Variants in CNTLN observed in about 807,000 individuals in gnomAD.
The protein encoded by CNTLN is centlein, also known as centlein, centrosomal protein.
Under a neutral mutation model 180.0 loss-of-function variants are expected in CNTLN, and 212 were observed. The observed-to-expected ratio is 1.18, with a 90% CI of 1.05 to 1.32. CNTLN has a LOEUF of 1.32. CNTLN is among the 40% of genes most tolerant of loss of function. The probability of loss-of-function intolerance (pLI) is 0.00; values close to 1 mark genes in which losing one functional copy is unlikely to be tolerated. For missense variants in CNTLN, 2,095 were observed against 1,610.9 expected (o/e 1.30, Z -5.14); for synonymous variants, 722 against 563.1 (o/e 1.28, Z -3.99).
chr9:17,158,220 A>C (rs181658368), intron 2 of CNTLN, among the ~76,000 whole-genome samples: 101 of 152,218 alleles, frequency 6.6e-4, no homozygotes, highest in African/African-American at 2.4e-3. Context: ...TCATATGTTA[A>C]CTCAACCTTG....
intron 5 of CNTLN, among the ~76,000 whole-genome samples, chr9:17,257,325 C>T (rs1055628722): frequency 6.6e-6 from 1 of 152,138 alleles, no homozygotes; most frequent in Non-Finnish European, 1.5e-5. Flanking sequence ...TTTAAGGCTG[C>T]ATAGTATTCC....
intron 5 of CNTLN, among the ~76,000 whole-genome samples, chr9:17,239,582 T>C (rs1322862553): frequency 6.6e-6 from 1 of 152,214 alleles, no homozygotes; most frequent in Middle Eastern, 3.2e-3. Flanking sequence ...TGTTTTGTTC[T>C]AGGAGTTTTA....
At chr9:17,394,405 A>G (rs1826332526) in intron 14 of CNTLN, 129 bp from the exon 15 acceptor site, 1 of 768,686 alleles carries the variant, frequency 1.3e-6, no homozygotes, top group African/African-American at 1.8e-5. Context: ...AATTATCTAG[A>G]AATTAAGTAC....
intron 9 of CNTLN, among the ~76,000 whole-genome samples, chr9:17,331,402 A>G (rs1820634876): frequency 6.6e-6 from 1 of 151,776 alleles, no homozygotes. Context: ...GTTACGCTGT[A>G]AAAGATTCTA....
chr9:17,409,445 A>T lies in CNTLN; in HGVS notation c.2768A>T (p.Tyr923Phe). Residue 923 changes from tyrosine to phenylalanine, a missense_variant, in exon 16 of 26, where the codon TAT becomes TTT. Physicochemically the swap from Tyr to Phe is conservative, Grantham distance 22. Transcript: ENST00000380647. The part of the protein sequence containing the change: ...QTQGKEIVQT[Y>F]LNIDGKTPKD... ...CAAGGAAAAGAAATAGTACAGACAT[A>T]TTTAAATATAGATGGCAAGACCCCA... 1 of 1,603,326 alleles carries T rather than the reference A, an allele frequency of 6.2e-7. No individual in the cohort carries two copies. Among genetic ancestry groups the T allele is most frequent in the Non-Finnish European group, 8.5e-7 (1 of 1,177,208 alleles).
intron 2 of CNTLN, among the ~76,000 whole-genome samples, chr9:17,165,042 G>T (rs34586990): frequency 6.6e-6 from 1 of 151,310 alleles, no homozygotes; most frequent in African/African-American, 2.4e-5. Context: ...GTTTCACCAT[G>T]TTGGCCAGGC....
At chr9:17,412,835 G>A (rs1381744564) in intron 16 of CNTLN, among the ~76,000 whole-genome samples, 1 of 152,118 alleles carries the variant, frequency 6.6e-6, no homozygotes, top group Non-Finnish European at 1.5e-5. Flanking sequence ...CCATCAAAAT[G>A]CTTCAACAAG....
At chr9:17,519,938 C>G in the CNTLN span, among the ~76,000 whole-genome samples, 3 of 152,174 alleles carry the variant, frequency 2.0e-5, no homozygotes, top group Non-Finnish European at 1.5e-5. Flanking sequence ...TGCTAAATAA[C>G]CCTCAGGAAT....
Position 17,415,970 on chromosome 9 carries a change from CAGAGA to C in CNTLN, c.2897_2901del (p.Arg966LysfsTer12), listed in dbSNP as rs779516274. On this transcript the variant is annotated frameshift_variant, in exon 18 of 26. Coordinates refer to ENST00000380647, the MANE Select transcript of CNTLN (RefSeq NM_017738.4). LOFTEE classifies it high-confidence loss of function. ...AACAATATTGTTTTTATGTAGTCAA[CAGAGA>C]AAAGTACAAAAATATAACTGCCCAG... 6.9e-6 allele frequency: 11 copies of C among 1,605,266 alleles called. No individual in the cohort carries two copies. Among genetic ancestry groups the C allele is most frequent in the South Asian group, 2.3e-5 (2 of 88,842 alleles).
At chr9:17,331,209 A>G (rs879761133) in intron 9 of CNTLN, among the ~76,000 whole-genome samples, 1 of 151,914 alleles carries the variant, frequency 6.6e-6, no homozygotes, top group Admixed American at 6.6e-5. Context: ...TCAATCAGAT[A>G]TGATGTTTAA....
At chr9:17,435,147 G>C (rs1289710017) in intron 18 of CNTLN, among the ~76,000 whole-genome samples, 4 of 152,072 alleles carry the variant, frequency 2.6e-5, no homozygotes, top group Non-Finnish European at 5.9e-5. Context: ...ATTACTCTTG[G>C]CTTATTTCTG....
chr9:17,212,676 A>G (rs565935626), intron 2 of CNTLN, among the ~76,000 whole-genome samples: 1 of 152,150 alleles, frequency 6.6e-6, no homozygotes, highest in African/African-American at 2.4e-5. Context: ...CTGTGAATCT[A>G]TCTGCTCCTG....
intron 7 of CNTLN, among the ~76,000 whole-genome samples, chr9:17,304,752 TAAC>T (rs977692063): frequency 6.6e-6 from 1 of 152,146 alleles, no homozygotes; most frequent in African/African-American, 2.4e-5. Flanking sequence ...AGAAAAAGTA[TAAC>T]AACTATTTAC....
At chr9:17,359,820 A>G (rs1823210017) in intron 12 of CNTLN, among the ~76,000 whole-genome samples, 1 of 148,458 alleles carries the variant, frequency 6.7e-6, no homozygotes, top group Admixed American at 6.8e-5. Context: ...GAATGGCGTG[A>G]ACCTGGGAGG....
chr9:17,230,028 G>C (rs1043104604), intron 3 of CNTLN, among the ~76,000 whole-genome samples: 1 of 152,110 alleles, frequency 6.6e-6, no homozygotes, highest in Non-Finnish European at 1.5e-5. Flanking sequence ...TCACGAATTG[G>C]GTAACACTCA....
At chr9:17,268,230 T>C (rs10756858) in intron 5 of CNTLN, among the ~76,000 whole-genome samples, 80,531 of 152,006 alleles carry the variant, frequency 0.53, 22,650 homozygotes, top group South Asian at 0.78. Flanking sequence ...GATGTGCTTT[T>C]TGTTTGTTAG....
intron 6 of CNTLN, among the ~76,000 whole-genome samples, chr9:17,297,420 G>C (rs534504952): frequency 6.6e-6 from 1 of 151,962 alleles, no homozygotes; most frequent in African/African-American, 2.4e-5. Context: ...AATATTTCTC[G>C]GTTCAAATTA....
rs570700436 is a variant in CNTLN, at chr9:17,376,776, C to T, written c.1987+10059C>T. On this transcript the variant is annotated intron_variant, in intron 13 of 25. Transcript: ENST00000380647. ...ATAACCATCTCTTAATGGCCAGATA[C>T]GGAGAAGGCTAGATGGGTAGACTAA... Among the ~76,000 whole-genome samples the T allele has an allele frequency of 3.3e-5, 5 of 152,072 alleles. No homozygotes were observed. In the South Asian group the frequency reaches 1.0e-3, roughly 32 times the overall value.
chr9:17,321,719 T>C (rs531383469), intron 8 of CNTLN, among the ~76,000 whole-genome samples: 1 of 152,308 alleles, frequency 6.6e-6, no homozygotes, highest in African/African-American at 2.4e-5. Flanking sequence ...GTACCTTTAC[T>C]TGGGCTCAGA....
Sources: allele counts gnomAD v4.1 joint callset (sites outside exome capture counted in the v4.1 genomes callset), GRCh38; gene constraint gnomAD v4.1.1; transcripts MANE v1.5; gene names NCBI Gene and HGNC (gene_info 2026-07-23, HGNC 2026-07-21).